Variants in ODAD2 observed in about 807,000 individuals in gnomAD.
ODAD2 encodes outer dynein arm docking complex subunit 2, also known as outer dynein arm-docking complex subunit 2.
Under a neutral mutation model 106.8 loss-of-function variants are expected in ODAD2, and 89 were observed. The ratio of observed to expected loss-of-function variants is 0.83; its 90% confidence interval spans 0.70 to 0.99. The LOEUF (loss-of-function observed/expected upper bound fraction) is 0.99, where lower values mean the gene tolerates loss of function less well. ODAD2 is among the 50% of genes least tolerant of loss of function. ODAD2 has a pLI of 0.00. For missense variants in ODAD2, 1,168 were observed against 1,238.5 expected, an observed-to-expected ratio of 0.94 and a Z score of 0.85; for synonymous variants, 404 against 436.2, an observed-to-expected ratio of 0.93 and a Z score of 0.92.
intron 12 of ODAD2, among the ~76,000 whole-genome samples, chr10:27,942,511 T>C (rs1039212208): frequency 6.6e-6 from 1 of 152,206 alleles, no homozygotes; most frequent in African/African-American, 2.4e-5. Context: ...CTGTTGATGA[T>C]ATTGAATGAA....
intron 1 of ODAD2, among the ~76,000 whole-genome samples, chr10:27,997,106 T>C (rs984935547): frequency 6.6e-5 from 10 of 152,220 alleles, no homozygotes; most frequent in Non-Finnish European, 1.3e-4. Flanking sequence ...CAGACATATA[T>C]ACCAAAGTGG....
At chr10:27,861,444 A>G (rs1174846909) in intron 18 of ODAD2, among the ~76,000 whole-genome samples, 1 of 152,206 alleles carries the variant, frequency 6.6e-6, no homozygotes, top group African/African-American at 2.4e-5. Flanking sequence ...GAGTGAGTCT[A>G]CTACACAACG....
At chr10:27,884,472 A>G (rs1321242831) in intron 17 of ODAD2, among the ~76,000 whole-genome samples, 4 of 152,044 alleles carry the variant, frequency 2.6e-5, no homozygotes, top group African/African-American at 9.7e-5. Flanking sequence ...AGGAGGCATT[A>G]CTTTAAGTCT....
intron 17 of ODAD2, among the ~76,000 whole-genome samples, chr10:27,871,976 T>C (rs112139296): frequency 3.3e-5 from 5 of 152,348 alleles, no homozygotes; most frequent in African/African-American, 1.2e-4. Flanking sequence ...TATTGATTCT[T>C]CCTATCCAAG....
At chr10:27,939,241 TG>T in intron 14 of ODAD2, among the ~76,000 whole-genome samples, 1 of 152,310 alleles carries the variant, frequency 6.6e-6, no homozygotes, top group South Asian at 2.1e-4. Flanking sequence ...AGAAGCACCA[TG>T]TACTTATTTA....
At chr10:27,966,563 A>T (rs1432673467) in intron 9 of ODAD2, among the ~76,000 whole-genome samples, 2 of 152,174 alleles carry the variant, frequency 1.3e-5, no homozygotes, top group Non-Finnish European at 2.9e-5. Context: ...GTCCCATCGC[A>T]ACTGCATATT....
At chr10:27,930,626 CAA>C (rs60344337) in intron 16 of ODAD2, among the ~76,000 whole-genome samples, 12 of 92,060 alleles carry the variant, frequency 1.3e-4, no homozygotes, top group Non-Finnish European at 1.4e-4. Flanking sequence ...GACTCTGTCT[CAA>C]AAAAAAAAAA....
At chr10:27,872,930 G>A (rs1055806645) in intron 17 of ODAD2, among the ~76,000 whole-genome samples, 2 of 152,164 alleles carry the variant, frequency 1.3e-5, no homozygotes, top group Non-Finnish European at 2.9e-5. Context: ...CAGAAGGAAT[G>A]GTCCCCGCTC....
chr10:27,911,963 C>T (rs1349490625), intron 16 of ODAD2, among the ~76,000 whole-genome samples: 1 of 152,188 alleles, frequency 6.6e-6, no homozygotes, highest in African/African-American at 2.4e-5. Context: ...TCTCTCCCAA[C>T]ACAAGTACAC....
intron 12 of ODAD2, among the ~76,000 whole-genome samples, chr10:27,943,043 A>T (rs1443983192): frequency 6.6e-6 from 1 of 152,218 alleles, no homozygotes; most frequent in Non-Finnish European, 1.5e-5. Context: ...GCTGTGAAAG[A>T]CACTAGGATG....
intron 12 of ODAD2, among the ~76,000 whole-genome samples, chr10:27,942,839 T>C (rs2094054884): frequency 6.6e-6 from 1 of 152,230 alleles, no homozygotes; most frequent in Non-Finnish European, 1.5e-5. Flanking sequence ...TATTCATCCA[T>C]CTATCCAGCC....
At chr10:27,888,085 T>C (rs1307230030) in intron 17 of ODAD2, among the ~76,000 whole-genome samples, 1 of 152,096 alleles carries the variant, frequency 6.6e-6, no homozygotes, top group Non-Finnish European at 1.5e-5. Context: ...AAGGTGATTC[T>C]GTATCTTTGC....
At chr10:27,960,287 T>C (rs1275902727) in intron 10 of ODAD2, among the ~76,000 whole-genome samples, 1 of 149,080 alleles carries the variant, frequency 6.7e-6, no homozygotes, top group African/African-American at 2.4e-5. Context: ...TTTTGAAACA[T>C]GAAAATATTA....
chr10:27,996,274 TA>T (rs1850554921), intron 1 of ODAD2, among the ~76,000 whole-genome samples: 1 of 152,202 alleles, frequency 6.6e-6, no homozygotes, highest in East Asian at 1.9e-4. Context: ...CCATCATTAT[TA>T]AAAAGGCTTA....
At chr10:27,857,436 G>A (rs1018473712) in intron 19 of ODAD2, among the ~76,000 whole-genome samples, 2 of 152,162 alleles carry the variant, frequency 1.3e-5, no homozygotes, top group African/African-American at 4.8e-5. Context: ...ACAGTGTAGT[G>A]GGTCATGACC....
chr10:27,958,837 C>T (rs1164231770), intron 10 of ODAD2: 23 of 1,303,046 alleles, frequency 1.8e-5, no homozygotes, highest in Non-Finnish European at 2.2e-5. Context: ...AGTCAACTCA[C>T]CCAAGGCCAT....
intron 17 of ODAD2, among the ~76,000 whole-genome samples, chr10:27,885,622 A>ATATATT (rs1411979769): frequency 4.3e-4 from 25 of 58,300 alleles, no homozygotes; most frequent in African/African-American, 1.1e-3. Context: ...TATAAATATA[A>ATATATT]ATATATAAAA....
chr10:27,974,421 G>A (rs1405539886), intron 7 of ODAD2, among the ~76,000 whole-genome samples: 3 of 152,128 alleles, frequency 2.0e-5, no homozygotes, highest in African/African-American at 4.8e-5. Flanking sequence ...ATAAGAAAGC[G>A]GTCCAGTTTC....
intron 17 of ODAD2, chr10:27,904,878 A>T (rs911266669): frequency 6.6e-6 from 1 of 152,260 alleles, no homozygotes; most frequent in African/African-American, 2.4e-5. Flanking sequence ...GCCAAAAACA[A>T]GGGATGTCTT....
Sources: gnomAD v4.1 joint callset for allele counts (sites outside exome capture counted in the v4.1 genomes callset) on GRCh38, gnomAD v4.1.1 for gene constraint, MANE v1.5 for transcripts, NCBI Gene and HGNC (gene_info 2026-07-23, HGNC 2026-07-21) for gene names.